Variants in NR3C2 observed in about 807,000 individuals in gnomAD.
NR3C2 encodes the protein nuclear receptor subfamily 3 group C member 2.
In NR3C2, 15 loss-of-function variants were observed where a neutral mutation model predicts 86.4. The ratio of observed to expected loss-of-function variants is 0.17; its 90% CI spans 0.12 to 0.27. The LOEUF (loss-of-function observed/expected upper bound fraction) is 0.27. Among genes scored for constraint, NR3C2 ranks in the 10% least tolerant of loss-of-function variants. NR3C2 has a pLI of 1.00. For synonymous variants in NR3C2, 458 were observed against 450.5 expected, an observed-to-expected ratio of 1.02 and a Z score of -0.21; for missense variants, 960 against 1,195.6, an observed-to-expected ratio of 0.80 and a Z score of 2.91.
At chr4:148,349,771 A>T (rs72656841) in intron 2 of NR3C2, among the ~76,000 whole-genome samples, 37 of 152,124 alleles carry the variant, frequency 2.4e-4, no homozygotes, top group African/African-American at 8.9e-4. Context: ...CCATTAGACA[A>T]TTTTTTCATT....
At chr4:148,211,962 G>C (rs1012312482) in intron 3 of NR3C2, among the ~76,000 whole-genome samples, 16 of 152,172 alleles carry the variant, frequency 1.1e-4, no homozygotes, top group South Asian at 2.1e-4. Context: ...CTGGAGACTA[G>C]AGTCGAAAAT....
intron 4 of NR3C2, among the ~76,000 whole-genome samples, chr4:148,190,721 T>C (rs1006839432): frequency 3.3e-5 from 5 of 152,250 alleles, no homozygotes; most frequent in Admixed American, 2.0e-4. Flanking sequence ...GCTCCACTGT[T>C]ACGTGCATAT....
chr4:148,164,055 C>T (rs572656542), intron 4 of NR3C2, among the ~76,000 whole-genome samples: 2 of 152,334 alleles, frequency 1.3e-5, no homozygotes, highest in South Asian at 4.1e-4. Flanking sequence ...ACTGGATCAC[C>T]TCTGTTGACA....
chr4:148,323,601 G>A (rs973631734), intron 2 of NR3C2, among the ~76,000 whole-genome samples: 3 of 151,976 alleles, frequency 2.0e-5, no homozygotes, highest in Non-Finnish European at 2.9e-5. Flanking sequence ...TTTTCAGCCC[G>A]TCGGAAAAGC....
intron 2 of NR3C2, among the ~76,000 whole-genome samples, chr4:148,288,042 C>A (rs1741615528): frequency 1.3e-5 from 2 of 152,026 alleles, no homozygotes; most frequent in Admixed American, 6.6e-5. Flanking sequence ...AAATCATTTC[C>A]ATAAAAAAAC....
rs139330138 is a variant in NR3C2 at position 148,310,275 on chromosome 4, C to T, written c.1758-50158G>A. Among the ~76,000 whole-genome samples, 9 of 152,302 alleles carry T rather than the reference C, an allele frequency of 5.9e-5. No individual in the cohort carries two copies. The South Asian group carries it at 1.4e-3, about 25-fold the overall frequency. ...TCATACTTTCCCAGCAAAATCCCAC[C>T]TGTGCTTATACCCAAGGCTCCATGT... On this transcript the variant is annotated intron_variant, in intron 2 of 8. Coordinates refer to ENST00000358102, the MANE Select transcript of NR3C2 (RefSeq NM_000901.5).
At chr4:148,407,685 G>T (rs1414521700) in intron 2 of NR3C2, among the ~76,000 whole-genome samples, 1 of 2,176 alleles carries the variant, frequency 4.6e-4, no homozygotes, top group Non-Finnish European at 4.3e-3. Context: ...ATCTATCAGA[G>T]GCCCCCCCTT....
At chr4:148,305,648 G>A (rs149656535) in intron 2 of NR3C2, among the ~76,000 whole-genome samples, 3 of 151,914 alleles carry the variant, frequency 2.0e-5, no homozygotes, top group Non-Finnish European at 4.4e-5. Context: ...TTCTGCAGTT[G>A]TGCACATAAA....
chr4:148,393,709 A>ATGT lies in NR3C2; in HGVS notation c.1757+41392_1757+41394dup, dbSNP rs559764320. On this transcript the variant is annotated intron_variant, in intron 2 of 8. Coordinates refer to ENST00000358102, the MANE Select transcript of NR3C2 (RefSeq NM_000901.5). ...TAAGGTAAAACCTCCTGATGCTGAA[A>ATGT]TGTTGGGTTGTTTTTTAAACATGCC... Among the ~76,000 whole-genome samples the ATGT allele has an allele frequency of 4.3e-3, 655 of 152,326 alleles. 2 individuals carry two copies. The highest frequency in any genetic ancestry group is 0.015 in the African/African-American group (627 of 41,576).
intron 3 of NR3C2, among the ~76,000 whole-genome samples, chr4:148,224,063 G>A (rs1286631345): frequency 1.3e-5 from 2 of 151,700 alleles, no homozygotes; most frequent in Non-Finnish European, 2.9e-5. Flanking sequence ...GTGAAAAAGG[G>A]AAAAGACCAG....
At chr4:148,092,497 G>T (rs1351353089) in intron 8 of NR3C2, among the ~76,000 whole-genome samples, 1 of 152,036 alleles carries the variant, frequency 6.6e-6, no homozygotes, top group Non-Finnish European at 1.5e-5. Context: ...AGCTACTCTT[G>T]CCCGGATTCT....
chr4:148,083,102 T>A (rs1730655867), intron 8 of NR3C2, among the ~76,000 whole-genome samples: 1 of 152,104 alleles, frequency 6.6e-6, no homozygotes, highest in African/African-American at 2.4e-5. Flanking sequence ...TAAAACCCCA[T>A]CTCCCTGGGA....
chr4:148,281,471 A>G (rs1741237027), intron 2 of NR3C2, among the ~76,000 whole-genome samples: 1 of 152,240 alleles, frequency 6.6e-6, no homozygotes, highest in East Asian at 1.9e-4. Flanking sequence ...ACTACCAAAT[A>G]TATTTACATT....
chr4:148,270,790 C>T (rs899047186), intron 2 of NR3C2, among the ~76,000 whole-genome samples: 3 of 152,166 alleles, frequency 2.0e-5, no homozygotes, highest in African/African-American at 7.2e-5. Flanking sequence ...TCTAGTCTAG[C>T]CCCAATATAC....
intron 2 of NR3C2, among the ~76,000 whole-genome samples, chr4:148,390,451 CTGGGTGG>C: frequency 6.6e-6 from 1 of 152,098 alleles, no homozygotes; most frequent in Non-Finnish European, 1.5e-5. Context: ...TTCAAATGTT[CTGGGTGG>C]TGGCAGGCAG....
chr4:148,299,958 G>A (rs2883929), intron 2 of NR3C2, among the ~76,000 whole-genome samples: 119,236 of 152,078 alleles, frequency 0.78, 46,933 homozygotes, highest in Middle Eastern at 0.87. Flanking sequence ...TTTGATTATC[G>A]AAAGGGATTG....
intron 8 of NR3C2, among the ~76,000 whole-genome samples, chr4:148,096,915 A>G (rs970296139): frequency 2.6e-5 from 4 of 152,238 alleles, no homozygotes; most frequent in Admixed American, 1.3e-4. Flanking sequence ...ATTGGAAGGC[A>G]TCTCACAGAT....
At position 148,134,266 on chromosome 4, in the gene NR3C2, ACCACCAGG is replaced by A. The variant is rs1336096696; in HGVS notation, c.2511-13986_2511-13979del. Among the ~76,000 whole-genome samples, 18 of 152,354 alleles carry A rather than the reference ACCACCAGG, an allele frequency of 1.2e-4. No homozygotes were observed. The East Asian group carries it at 3.5e-3, about 29-fold the overall frequency. On this transcript the variant is annotated intron_variant, in intron 6 of 8. Transcript: ENST00000358102. ...CATTACCGGGTGAAATAAGTGTAAC[ACCACCAGG>A]CCACTATACCACCAGTGACATTCAT... is the stretch of plus-strand genomic sequence containing the variant.
chr4:148,156,562 C>T (rs561615533), intron 4 of NR3C2, among the ~76,000 whole-genome samples: 1 of 152,312 alleles, frequency 6.6e-6, no homozygotes, highest in East Asian at 1.9e-4. Context: ...AAATGCTCAT[C>T]ATCACTGGCC....
Sources: gnomAD v4.1 joint callset for allele counts (sites outside exome capture counted in the v4.1 genomes callset) on GRCh38, gnomAD v4.1.1 for gene constraint, MANE v1.5 for transcripts, NCBI Gene and HGNC (gene_info 2026-07-23, HGNC 2026-07-21) for gene names.